Variants in KHDRBS3 observed in about 807,000 individuals in gnomAD.
The protein encoded by KHDRBS3 is KH domain-containing, RNA-binding, signal transduction-associated protein 3.
Under a neutral mutation model 45.6 loss-of-function variants are expected in KHDRBS3, and 23 were observed. That is an observed-to-expected ratio of 0.50 (90% confidence interval 0.36 to 0.72). KHDRBS3 has a LOEUF of 0.72. Ranked by LOEUF, KHDRBS3 falls within the 30% of genes least tolerant of loss-of-function variation. KHDRBS3 has a pLI of 0.00. For missense variants in KHDRBS3, 352 were observed against 424.8 expected (o/e 0.83, Z 1.51); for synonymous variants, 162 against 156.5 (o/e 1.04, Z -0.26).
intron 7 of KHDRBS3, among the ~76,000 whole-genome samples, chr8:135,619,383 G>A (rs1830045527): frequency 1.3e-5 from 2 of 151,636 alleles, no homozygotes; most frequent in South Asian, 4.2e-4. Context: ...AATACATGTA[G>A]GTATATAGCC....
rs186264945 is a variant in KHDRBS3, at chr8:135,644,549, C to T, written c.891-510C>T. On this transcript the variant is annotated intron_variant, in intron 7 of 8. Coordinates refer to ENST00000355849, the MANE Select transcript of KHDRBS3 (RefSeq NM_006558.3). The stretch of plus-strand genomic sequence containing the variant: ...AGTACAGCACCCACAATTCATGCAG[C>T]ACCGGGTTCTCTGGTAGACGAGGGT... Among the ~76,000 whole-genome samples the T allele has an allele frequency of 6.2e-3, 945 of 152,322 alleles. 8 individuals carry two copies. Among genetic ancestry groups the T allele is most frequent in the Middle Eastern group, 0.024 (7 of 294 alleles).
chr8:135,556,516 C>T (rs1314837719), intron 4 of KHDRBS3, among the ~76,000 whole-genome samples: 1 of 152,120 alleles, frequency 6.6e-6, no homozygotes, highest in Admixed American at 6.5e-5. Context: ...TAACTGTTGG[C>T]TGCATAAATG....
intron 1 of KHDRBS3, among the ~76,000 whole-genome samples, chr8:135,486,835 A>G (rs769205605): frequency 6.6e-6 from 1 of 152,228 alleles, no homozygotes; most frequent in Non-Finnish European, 1.5e-5. Context: ...ATCAGATAAG[A>G]TCAAACATGA....
intron 7 of KHDRBS3, chr8:135,625,291 TCC>T: frequency 1.5e-6 from 2 of 1,290,556 alleles, no homozygotes; most frequent in Non-Finnish European, 2.2e-6. Flanking sequence ...AGGGTCATTT[TCC>T]CCCTTGTTCT....
chr8:135,590,861 A>G (rs760590996), intron 6 of KHDRBS3, among the ~76,000 whole-genome samples: 1 of 152,216 alleles, frequency 6.6e-6, no homozygotes, highest in Non-Finnish European at 1.5e-5. Context: ...GGAAGTACTT[A>G]TTCACTAATA....
intron 5 of KHDRBS3, among the ~76,000 whole-genome samples, chr8:135,563,533 G>A (rs1827265712): frequency 6.6e-6 from 1 of 152,132 alleles, no homozygotes; most frequent in Non-Finnish European, 1.5e-5. Context: ...ATTTATTCAC[G>A]TTGTCATTGG....
At chr8:135,503,847 A>G (rs1234821234) in intron 1 of KHDRBS3, among the ~76,000 whole-genome samples, 2 of 152,134 alleles carry the variant, frequency 1.3e-5, no homozygotes, top group Non-Finnish European at 2.9e-5. Context: ...CTATAAGGAT[A>G]CTTTAGTCTT....
intron 1 of KHDRBS3, chr8:135,458,279 G>A (rs1586534861): frequency 1.1e-6 from 1 of 887,498 alleles, no homozygotes; most frequent in Non-Finnish European, 1.4e-6. Flanking sequence ...TTGGGAACGA[G>A]GTTGAATTAT....
rs562381808 is a variant in KHDRBS3, at chr8:135,576,031, G to GT, written c.612-5839dup. ...AACAGTTTTGAGGAGTACTAATCAG[G>GT]TTTTTTTTAAGATGTTTCTCAATTG... On this transcript the variant is annotated intron_variant, in intron 5 of 8. Transcript: ENST00000355849. 2.5e-3 allele frequency among the ~76,000 whole-genome samples: 385 copies of GT among 151,982 alleles called. 1 individual carries two copies. Among genetic ancestry groups the GT allele is most frequent in the Non-Finnish European group, 4.1e-3 (278 of 67,960 alleles).
intron 2 of KHDRBS3, among the ~76,000 whole-genome samples, chr8:135,522,001 C>G (rs1440006224): frequency 6.6e-6 from 1 of 152,052 alleles, no homozygotes; most frequent in African/African-American, 2.4e-5. Flanking sequence ...GCAGGACGTG[C>G]AGGTTTGTTA....
At chr8:135,603,537 T>G (rs1048885526) in intron 6 of KHDRBS3, among the ~76,000 whole-genome samples, 1 of 152,204 alleles carries the variant, frequency 6.6e-6, no homozygotes, top group African/African-American at 2.4e-5. Flanking sequence ...TGTGTTATAG[T>G]CATATTCATG....
chr8:135,477,883 A>G (rs1008227893), intron 1 of KHDRBS3, among the ~76,000 whole-genome samples: 4 of 152,192 alleles, frequency 2.6e-5, no homozygotes, highest in African/African-American at 9.7e-5. Flanking sequence ...CCGTGTTCAG[A>G]TGTGTCCTCA....
Position 135,511,793 on chromosome 8 carries a change from C to T in KHDRBS3, c.89-9444C>T, listed in dbSNP as rs549353578. 3.9e-5 allele frequency among the ~76,000 whole-genome samples: 6 copies of T among 152,218 alleles called. No homozygotes were observed. The South Asian group carries it at 6.2e-4, about 16-fold the overall frequency. ...CAGAATGGTCTTGATCTCCTGACCT[C>T]GTAATCCGCCCGTCTCGGCCTCCCA... On this transcript the variant is annotated intron_variant, in intron 1 of 8. Transcript: ENST00000355849.
chr8:135,625,900 G>T lies in KHDRBS3; in HGVS notation c.890+18863G>T, dbSNP rs556547818. On this transcript the variant is annotated intron_variant, in intron 7 of 8. Transcript: ENST00000355849. Reference sequence around the variant, plus strand: ...TCGATCTTTGTCACGTTCAACTGCAGAGACTAATTGATCCAGGCCAGCATG... The same window carrying T: ...TCGATCTTTGTCACGTTCAACTGCATAGACTAATTGATCCAGGCCAGCATG... 5.2e-6 allele frequency: 4 copies of T among 776,110 alleles called. No homozygotes were observed. The African/African-American group carries it at 6.8e-5, about 13-fold the overall frequency. 48.1% of individuals were successfully genotyped at this position (776,110 alleles called of 1,614,324 possible).
At chr8:135,532,615 T>G (rs1335721434) in intron 2 of KHDRBS3, among the ~76,000 whole-genome samples, 2 of 152,178 alleles carry the variant, frequency 1.3e-5, no homozygotes, top group Non-Finnish European at 2.9e-5. Context: ...ACTTTACTAT[T>G]AACTCATTTA....
At chr8:135,508,379 A>G (rs1460210790) in intron 1 of KHDRBS3, among the ~76,000 whole-genome samples, 1 of 152,186 alleles carries the variant, frequency 6.6e-6, no homozygotes. Flanking sequence ...TCTTCACACA[A>G]AGGAAATGGG....
chr8:135,470,308 T>G lies in KHDRBS3; in HGVS notation c.88+12354T>G, dbSNP rs566977054. Reference sequence around the variant, plus strand: ...ATTTTGATTTAACAAGTTTTACTGGTTTTTTTTTGTTTTAACGTGAGAAGT... The same window carrying G: ...ATTTTGATTTAACAAGTTTTACTGGGTTTTTTTTGTTTTAACGTGAGAAGT... On this transcript the variant is annotated intron_variant, in intron 1 of 8. Transcript: ENST00000355849. Among the ~76,000 whole-genome samples, 18 of 130,518 alleles carry G rather than the reference T, an allele frequency of 1.4e-4. 1 individual carries two copies. Among genetic ancestry groups the G allele is most frequent in the Non-Finnish European group, 2.4e-4 (15 of 63,046 alleles). The allele number at this position is 130,518 out of a possible 152,430, so 85.6% of individuals were successfully genotyped here.
chr8:135,602,614 T>G (rs78367976), intron 6 of KHDRBS3, among the ~76,000 whole-genome samples: 1,627 of 152,316 alleles, frequency 0.011, 26 homozygotes, highest in African/African-American at 0.035. Context: ...CAATCTTGAT[T>G]CTTCAAATAA....
intron 8 of KHDRBS3, 94 bp downstream of exon 8, chr8:135,645,211 G>A: frequency 1.5e-6 from 2 of 1,314,962 alleles, no homozygotes; most frequent in Non-Finnish European, 1.1e-6. Flanking sequence ...AGGACATTTG[G>A]ACTCTGAAAC....
Sources: allele counts gnomAD v4.1 joint callset (sites outside exome capture counted in the v4.1 genomes callset), GRCh38; gene constraint gnomAD v4.1.1; transcripts MANE v1.5; gene names NCBI Gene and HGNC (gene_info 2026-07-23, HGNC 2026-07-21).